The following STAC3 variants were observed in gnomAD, a reference collection of about 807,000 sequenced individuals.
The protein encoded by STAC3 is SH3 and cysteine rich domain 3.
STAC3 carries 30 observed loss-of-function variants against 48.5 expected under a neutral mutation model. That is an observed-to-expected ratio of 0.62 (90% CI 0.46 to 0.84). The LOEUF (loss-of-function observed/expected upper bound fraction) is 0.84. STAC3 is among the 40% of genes least tolerant of loss of function. STAC3 has a pLI of 0.00. For missense variants in STAC3, 419 were observed against 462.6 expected, an observed-to-expected ratio of 0.91 and a Z score of 0.86; for synonymous variants, 144 against 158.6, an observed-to-expected ratio of 0.91 and a Z score of 0.69.
At chr12:57,244,008 T>A in intron 11 of STAC3, 80 bp downstream of exon 11, 1 of 1,610,462 alleles carries the variant, frequency 6.2e-7, no homozygotes, top group Non-Finnish European at 8.5e-7. Context: ...ACCCTAGTCT[T>A]ATTAATGGTT....
Position 57,244,924 on chromosome 12 carries a change from C to A in STAC3, c.712G>T (p.Asp238Tyr). Reference protein sequence around the residue: ...GDKKAEKKTPDDKHKQPGFQQ... With the variant: ...GDKKAEKKTPYDKHKQPGFQQ... Reference sequence around the variant, plus strand: ...GGAGGAAGGATTCTTACCTTGTCATCAGGTGTCTTCTTCTCAGCCTTCTTA... The same window carrying A: ...GGAGGAAGGATTCTTACCTTGTCATAAGGTGTCTTCTTCTCAGCCTTCTTA... The change falls in exon 8 of 12, where the codon GAT (aspartate) becomes TAT (tyrosine). Residue 238 changes from aspartate (D) to tyrosine (Y), a missense_variant. Coordinates refer to ENST00000332782, the MANE Select transcript of STAC3 (RefSeq NM_145064.3). 6.2e-7 allele frequency: 1 copy of A among 1,614,186 alleles called. No individual in the cohort carries two copies. Among genetic ancestry groups the A allele is most frequent in the Non-Finnish European group, 8.5e-7 (1 of 1,180,032 alleles).
Position 57,246,915 on chromosome 12 carries a change from A to T in STAC3, c.506-14T>A, listed in dbSNP as rs780045437. On this transcript the variant is annotated splice_polypyrimidine_tract_variant and intron_variant, in intron 5 of 11. Transcript: ENST00000332782. ...GATTGGCAGCAGCTAATCGAATGGG[A>T]GGAGAAAGAAGACATTATTGGGAAG... is the stretch of plus-strand genomic sequence containing the variant. 11 of 1,611,106 alleles carry T rather than the reference A, an allele frequency of 6.8e-6. No homozygotes were observed. Among genetic ancestry groups the T allele is most frequent in the Non-Finnish European group, 9.3e-6 (11 of 1,177,768 alleles).
intron 4 of STAC3, 177 bp from the exon 5 acceptor site, chr12:57,248,375 CTCT>C (rs1239411301): frequency 4.9e-5 from 28 of 577,146 alleles, no homozygotes; most frequent in African/African-American, 7.8e-5. Flanking sequence ...GACATGTCCC[CTCT>C]TTTTTTTTTT....
chr12:57,247,428 ATTTTTTT>A (rs367784960), intron 5 of STAC3, among the ~76,000 whole-genome samples: 1 of 58,532 alleles, frequency 1.7e-5, no homozygotes, highest in African/African-American at 5.6e-5. Context: ...TATTATTATT[ATTTTTTT>A]TTTTTTTTTT....
In STAC3 at chr12:57,249,169, T is replaced by C; in HGVS notation, c.206A>G (p.Glu69Gly). ...PIYYIYEEEE[E>G]EEEEEEEPPP... ...TGGCTCCTCCTCCTCCTCTTCTTCC[T>C]CTTCCTCTTCCTCATAGATGTAGTA... The change falls in exon 3 of 12, where the codon GAG becomes GGG. Residue 69 changes from glutamate to glycine, a missense_variant. Glu to Gly is a moderately conservative substitution (Grantham distance 98, BLOSUM62 -2). Coordinates refer to ENST00000332782, the MANE Select transcript of STAC3 (RefSeq NM_145064.3). 1 of 1,613,992 alleles carries C rather than the reference T, an allele frequency of 6.2e-7. No homozygotes were observed.
Position 57,243,743 on chromosome 12 carries a change from C to A in STAC3, c.*69G>T, listed in dbSNP as rs371377048. ...CAGCAGTCCCGTTGCTTTCGCCCCC[C>A]TCCCCAAACTCCACTGGGCCCGCCC... On this transcript the variant is annotated 3_prime_UTR_variant, in exon 12 of 12. Transcript: ENST00000332782. 2.9e-4 allele frequency: 428 copies of A among 1,455,886 alleles called. 3 individuals are homozygous for A. In the East Asian group the frequency reaches 9.6e-3, roughly 33 times the overall value. The allele number at this position is 1,455,886 out of a possible 1,614,324, so 90.2% of individuals were successfully genotyped here. A position where few individuals can be genotyped will look rare whatever the true frequency, so the allele number is the denominator to read the frequency against.
rs2037832785 is a variant in STAC3, at chr12:57,248,980, G to A, written c.334+61C>T. 1.2e-5 allele frequency: 18 copies of A among 1,561,390 alleles called. No homozygotes were observed. Among genetic ancestry groups the A allele is most frequent in the Non-Finnish European group, 1.6e-5 (18 of 1,152,382 alleles). On this transcript the variant is annotated intron_variant, in intron 3 of 11. Transcript: ENST00000332782. ...TCTGCTACAAATACTCCTCTCCTATGCCCTCTCCCCAAACCTCTGCCTTCA... is the reference window on the plus strand; with the variant it reads ...TCTGCTACAAATACTCCTCTCCTATACCCTCTCCCCAAACCTCTGCCTTCA...
chr12:57,246,588 G>A (rs999358337), intron 6 of STAC3, among the ~76,000 whole-genome samples: 2 of 152,002 alleles, frequency 1.3e-5, no homozygotes, highest in African/African-American at 2.4e-5. Flanking sequence ...GTTTCACCAC[G>A]TTGGCCAGGC....
rs1256152017 is a variant in STAC3 at position 57,243,668 on chromosome 12, T to C, written c.*144A>G. 1.3e-6 allele frequency: 1 copy of C among 794,520 alleles called. No individual in the cohort carries two copies. The highest frequency in any genetic ancestry group is 1.7e-5 in the African/African-American group (1 of 58,878). 49.2% of individuals were successfully genotyped at this position (794,520 alleles called of 1,614,324 possible). On this transcript the variant is annotated 3_prime_UTR_variant, in exon 12 of 12. Coordinates refer to ENST00000332782, the MANE Select transcript of STAC3 (RefSeq NM_145064.3). ...GGGGAAGGGGGCGAGAACCAGTCCC[T>C]TCCCGGAAGCCCCGTCGCGCTCAGG...
chr12:57,245,331 C>T, intron 6 of STAC3, 120 bp from the exon 7 acceptor site: 1 of 903,964 alleles, frequency 1.1e-6, no homozygotes, highest in Non-Finnish European at 1.7e-6. Context: ...TTGGAAGAGG[C>T]CTTGGAGGAA....
chr12:57,247,657 T>C (rs2037783812), intron 5 of STAC3, among the ~76,000 whole-genome samples: 1 of 151,876 alleles, frequency 6.6e-6, no homozygotes, highest in African/African-American at 2.4e-5. Flanking sequence ...TCTCCTGACC[T>C]CGTGATCCAC....
In STAC3 at chr12:57,246,802, A is replaced by C. The variant is rs1381281514; in HGVS notation, c.603+2T>G. 6.2e-7 allele frequency: 1 copy of C among 1,613,610 alleles called. No individual in the cohort carries two copies. Among genetic ancestry groups the C allele is most frequent in the Non-Finnish European group, 8.5e-7 (1 of 1,179,556 alleles). On this transcript the variant is annotated splice_donor_variant, in intron 6 of 11. Transcript: ENST00000332782. LOFTEE classifies it high-confidence loss of function. ...GACCTCGTGGGGAGGTACAGTGCTC[A>C]CATTTTTCTTATCTGCCTGTCCCTT...
intron 11 of STAC3, 66 bp downstream of exon 11, chr12:57,244,022 C>T (rs549715146): frequency 6.2e-6 from 10 of 1,611,546 alleles, no homozygotes; most frequent in Non-Finnish European, 8.5e-6. Context: ...AATGGTTAAG[C>T]TCTCCAAGGA....
Position 57,244,142 on chromosome 12 carries a change from C to T in STAC3, c.942G>A (p.Thr314=), listed in dbSNP as rs1592242626. ...TCTCGCGGTTCCCCACGAAGGATCT[C>T]GTCACGCGGTGCACACGTTCTCCAG... ...VRAGERVHRV[T]RSFVGNREIG... is the part of the protein sequence containing the mutation. Residue 314 remains threonine (T), a synonymous_variant, in exon 11 of 12, where the codon ACG becomes ACA. Transcript: ENST00000332782. 1.2e-6 allele frequency: 2 copies of T among 1,614,112 alleles called. No homozygotes were observed. Among genetic ancestry groups the T allele is most frequent in the East Asian group, 2.2e-5 (1 of 44,848 alleles).
rs375914124 is a variant in STAC3, at chr12:57,249,206, C to G, written c.169G>C (p.Gly57Arg). 8.1e-6 allele frequency: 13 copies of G among 1,613,960 alleles called. No homozygotes were observed. Among genetic ancestry groups the G allele is most frequent in the Non-Finnish European group, 9.3e-6 (11 of 1,180,028 alleles). ...QANGEAVGAGGGPIYYIYEEE... is the reference protein window; with the variant it reads ...QANGEAVGAGRGPIYYIYEEE... ...TCATAGATGTAGTAGATGGGCCCACCCCCAGCTCCCACTGCCTCCCCATTG... is the reference window on the plus strand; with the variant it reads ...TCATAGATGTAGTAGATGGGCCCACGCCCAGCTCCCACTGCCTCCCCATTG... Residue 57 changes from glycine (G) to arginine (R), a missense_variant, in exon 3 of 12, where the codon GGT becomes CGT. Transcript: ENST00000332782.
intron 6 of STAC3, among the ~76,000 whole-genome samples, chr12:57,246,109 CAAAAAAAAAAA>C (rs71084732): frequency 1.2e-5 from 1 of 80,274 alleles, no homozygotes; most frequent in African/African-American, 5.3e-5. Context: ...AACTCTATCT[CAAAAAAAAAAA>C]AAAAAAAAAA....
Position 57,243,854 on chromosome 12 carries a change from G to A in STAC3, c.1053C>T (p.Arg351=). The A allele has an allele frequency of 6.2e-7, 1 of 1,614,124 alleles. No individual in the cohort carries two copies. The highest frequency in any genetic ancestry group is 8.5e-7 in the Non-Finnish European group (1 of 1,180,024). The change falls in exon 12 of 12, where the codon CGC becomes CGT. Residue 351 remains arginine, a synonymous_variant. Transcript: ENST00000332782. ...AGGYVKVYTG[R]KVGLFPTDFL... ...AGTCGGTGGGAAACAGCCCCACCTT[G>A]CGGCCGGTGTAGACCTTGACGTAGC...
chr12:57,244,888 G>A lies in STAC3; in HGVS notation c.720+28C>T, dbSNP rs749577132. Reference sequence around the variant, plus strand: ...AGAGCTGGGTTGGGGAGAGAACTGGGTTCCTTGCAGGGAGGAAGGATTCTT... The same window carrying A: ...AGAGCTGGGTTGGGGAGAGAACTGGATTCCTTGCAGGGAGGAAGGATTCTT... On this transcript the variant is annotated intron_variant, in intron 8 of 11. Transcript: ENST00000332782. 14 of 1,613,494 alleles carry A rather than the reference G, an allele frequency of 8.7e-6. No homozygotes were observed. The Admixed American group carries it at 2.3e-4, about 27-fold the overall frequency.
At chr12:57,245,702 G>A (rs1241192191) in intron 6 of STAC3, among the ~76,000 whole-genome samples, 1 of 152,014 alleles carries the variant, frequency 6.6e-6, no homozygotes, top group African/African-American at 2.4e-5. Flanking sequence ...ATCCTATCAG[G>A]TGGGTCACCC....
Sources: gnomAD v4.1 joint callset for allele counts (sites outside exome capture counted in the v4.1 genomes callset) on GRCh38, gnomAD v4.1.1 for gene constraint, MANE v1.5 for transcripts, NCBI Gene and HGNC (gene_info 2026-07-23, HGNC 2026-07-21) for gene names.